Variants in LRRC3B observed in about 807,000 individuals in gnomAD.
LRRC3B encodes leucine-rich repeat-containing protein 3B.
In LRRC3B, 2 loss-of-function variants were observed where a neutral mutation model predicts 12.8. The observed-to-expected ratio is 0.16, with a 90% CI of 0.06 to 0.49. LRRC3B has a LOEUF of 0.49. Ranked by LOEUF, LRRC3B falls within the 20% of genes least tolerant of loss-of-function variation. The pLI is 0.96. For synonymous variants in LRRC3B, 132 were observed against 122.0 expected, an observed-to-expected ratio of 1.08 and a Z score of -0.54; for missense variants, 189 against 319.4, an observed-to-expected ratio of 0.59 and a Z score of 3.11.
intron 1 of LRRC3B, among the ~76,000 whole-genome samples, chr3:26,657,032 C>CT: frequency 6.6e-6 from 1 of 152,096 alleles, no homozygotes; most frequent in Admixed American, 6.5e-5. Flanking sequence ...CTTGCCTCAC[C>CT]TTTTTTATAG....
chr3:26,679,932 C>A (rs899094025), intron 1 of LRRC3B, among the ~76,000 whole-genome samples: 3 of 152,158 alleles, frequency 2.0e-5, no homozygotes, highest in African/African-American at 7.2e-5. Context: ...AACACGGAAT[C>A]CCTGAGCTTC....
chr3:26,651,566 G>A (rs1284165364), intron 1 of LRRC3B, among the ~76,000 whole-genome samples: 1 of 152,076 alleles, frequency 6.6e-6, no homozygotes, highest in Non-Finnish European at 1.5e-5. Context: ...AGACAATCTG[G>A]CATAAAGTCA....
At chr3:26,645,044 A>G (rs965785513) in intron 1 of LRRC3B, among the ~76,000 whole-genome samples, 12 of 152,174 alleles carry the variant, frequency 7.9e-5, no homozygotes, top group African/African-American at 2.9e-4. Flanking sequence ...ACATCCATAC[A>G]TGGAGAGGGA....
intron 1 of LRRC3B, among the ~76,000 whole-genome samples, chr3:26,649,468 CTCTT>C (rs1330440481): frequency 8.2e-6 from 1 of 121,356 alleles, no homozygotes; most frequent in African/African-American, 2.9e-5. Context: ...AACTGTGTGA[CTCTT>C]TTTCCCCAGA....
chr3:26,659,193 T>C (rs1575135346), intron 1 of LRRC3B, among the ~76,000 whole-genome samples: 1 of 152,210 alleles, frequency 6.6e-6, no homozygotes, highest in East Asian at 1.9e-4. Flanking sequence ...GTAGGTACTA[T>C]TATTGTCTTC....
exon 2 of LRRC3B, chr3:26,710,661 A>C (rs1247662234): frequency 4.2e-6 from 2 of 473,984 alleles, no homozygotes; most frequent in African/African-American, 3.9e-5. Flanking sequence ...CCCCGATGGT[A>C]TATTTCTGAG....
At chr3:26,658,372 A>G (rs943124418) in intron 1 of LRRC3B, among the ~76,000 whole-genome samples, 3 of 152,194 alleles carry the variant, frequency 2.0e-5, no homozygotes, top group African/African-American at 4.8e-5. Context: ...CAGCTTTTCA[A>G]TGAAGCATAA....
chr3:26,658,699 A>G (rs1174457239), intron 1 of LRRC3B, among the ~76,000 whole-genome samples: 1 of 152,262 alleles, frequency 6.6e-6, no homozygotes, highest in Non-Finnish European at 1.5e-5. Context: ...AATTGCAATC[A>G]GGGGAAAGTG....
rs924529934 is a variant in LRRC3B at position 26,626,197 on chromosome 3, C to T, written c.-161+2960C>T. Among the ~76,000 whole-genome samples the T allele has an allele frequency of 2.0e-5, 3 of 152,180 alleles. No homozygotes were observed. The East Asian group carries it at 5.8e-4, about 29-fold the overall frequency. ...GGGTACACCTTGGTATAGTGGAATA[C>T]TAGTAGAGGAAATCGATTTGGAGAA... On this transcript the variant is annotated intron_variant, in intron 1 of 1. Coordinates refer to ENST00000396641, the Ensembl canonical transcript of LRRC3B.
At chr3:26,692,436 CTTT>C (rs1700211048) in intron 1 of LRRC3B, among the ~76,000 whole-genome samples, 1 of 152,182 alleles carries the variant, frequency 6.6e-6, no homozygotes, top group Non-Finnish European at 1.5e-5. Flanking sequence ...GCATGGATAT[CTTT>C]CATCTGTGTA....
At chr3:26,700,813 A>G (rs1700434900) in intron 1 of LRRC3B, among the ~76,000 whole-genome samples, 1 of 152,190 alleles carries the variant, frequency 6.6e-6, no homozygotes, top group Non-Finnish European at 1.5e-5. Context: ...TGCCTCTGTC[A>G]TTTAGCTGTA....
At chr3:26,663,086 C>T (rs4266153) in intron 1 of LRRC3B, among the ~76,000 whole-genome samples, 124,814 of 152,038 alleles carry the variant, frequency 0.82, 51,488 homozygotes, top group East Asian at 1. Context: ...TAGGGCTAGA[C>T]TGAGTTGGGC....
intron 1 of LRRC3B, among the ~76,000 whole-genome samples, chr3:26,635,191 T>G (rs1422855321): frequency 6.6e-6 from 1 of 152,188 alleles, no homozygotes; most frequent in East Asian, 1.9e-4. Context: ...CTGATGCCTC[T>G]ATAGCTCCCA....
chr3:26,628,401 A>G (rs140858957), intron 1 of LRRC3B, among the ~76,000 whole-genome samples: 74 of 133,580 alleles, frequency 5.5e-4, no homozygotes, highest in Non-Finnish European at 1.0e-3. Context: ...GGTTCTGTAG[A>G]AAGAGTTTGA....
chr3:26,657,687 GA>G (rs1699403024), intron 1 of LRRC3B, among the ~76,000 whole-genome samples: 1 of 151,478 alleles, frequency 6.6e-6, no homozygotes, highest in African/African-American at 2.4e-5. Flanking sequence ...GAAGTCTCTT[GA>G]AACTTCTTAA....
chr3:26,654,905 A>G (rs1336989256), intron 1 of LRRC3B, among the ~76,000 whole-genome samples: 1 of 152,212 alleles, frequency 6.6e-6, no homozygotes, highest in Non-Finnish European at 1.5e-5. Context: ...TTGCTTTAAA[A>G]TGGCATTTCC....
intron 1 of LRRC3B, among the ~76,000 whole-genome samples, chr3:26,631,064 T>C (rs376275928): frequency 7.9e-5 from 12 of 152,174 alleles, no homozygotes; most frequent in African/African-American, 2.7e-4. Flanking sequence ...AGACTGTGGA[T>C]ACTGGTATTG....
chr3:26,710,530 T>A, exon 2 of LRRC3B: 1 of 1,381,498 alleles, frequency 7.2e-7, no homozygotes, highest in East Asian at 2.4e-5. Context: ...ACTTCTCCCA[T>A]CCATTGTAAA....
intron 1 of LRRC3B, among the ~76,000 whole-genome samples, chr3:26,634,367 G>A (rs947009944): frequency 3.3e-5 from 5 of 152,222 alleles, no homozygotes; most frequent in Admixed American, 3.3e-4. Flanking sequence ...GTCACCCAAA[G>A]ATACCTGAAT....
Sources: gnomAD v4.1 joint callset for allele counts (sites outside exome capture counted in the v4.1 genomes callset) on GRCh38, gnomAD v4.1.1 for gene constraint, MANE v1.5 for transcripts, NCBI Gene and HGNC (gene_info 2026-07-23, HGNC 2026-07-21) for gene names.